ASCC1: variants seen among roughly 807,000 people sequenced by gnomAD.
The protein encoded by ASCC1 is ASC-1 complex subunit P50.
Under a neutral mutation model 46.6 loss-of-function variants are expected in ASCC1, and 35 were observed. The observed-to-expected ratio is 0.75, with a 90% confidence interval of 0.57 to 0.99. The LOEUF (loss-of-function observed/expected upper bound fraction) is 0.99. ASCC1 is among the 50% of genes least tolerant of loss of function. The pLI is 0.00. For synonymous variants in ASCC1, 143 were observed against 146.6 expected, an observed-to-expected ratio of 0.98 and a Z score of 0.18; for missense variants, 376 against 428.7, an observed-to-expected ratio of 0.88 and a Z score of 1.09.
intron 5 of ASCC1, among the ~76,000 whole-genome samples, chr10:72,174,988 T>G (rs371968407): frequency 6.6e-6 from 1 of 152,250 alleles, no homozygotes; most frequent in Non-Finnish European, 1.5e-5. Context: ...AGAGAAAATA[T>G]GCATGCTTCC....
chr10:72,153,647 C>T (rs1025060273), intron 6 of ASCC1, among the ~76,000 whole-genome samples: 2 of 151,742 alleles, frequency 1.3e-5, no homozygotes, highest in African/African-American at 4.8e-5. Flanking sequence ...AGGATGGCCT[C>T]GATCTCCTGA....
At chr10:72,198,549 A>T (rs772572798) in intron 4 of ASCC1, 3 of 455,580 alleles carry the variant, frequency 6.6e-6, no homozygotes, top group African/African-American at 6.0e-5. Context: ...CTGTCTCTAC[A>T]GTGGTTGGAG....
chr10:72,141,128 G>GAT (rs1296504233), intron 7 of ASCC1, among the ~76,000 whole-genome samples: 1 of 151,728 alleles, frequency 6.6e-6, no homozygotes, highest in African/African-American at 2.4e-5. Context: ...GATATATATA[G>GAT]ATATATATCA....
intron 3 of ASCC1, among the ~76,000 whole-genome samples, chr10:72,203,930 C>G (rs1312138974): frequency 6.6e-6 from 1 of 152,118 alleles, no homozygotes; most frequent in East Asian, 1.9e-4. Flanking sequence ...CCAGCCTGGG[C>G]AACAGAGTAA....
chr10:72,102,021 A>C (rs1841824028), intron 9 of ASCC1, among the ~76,000 whole-genome samples: 1 of 152,288 alleles, frequency 6.6e-6, no homozygotes, highest in Non-Finnish European at 1.5e-5. Context: ...GAAGCAGAAA[A>C]GGTAACTACT....
intron 9 of ASCC1, among the ~76,000 whole-genome samples, chr10:72,098,461 G>A (rs539916055): frequency 1.3e-5 from 2 of 152,302 alleles, no homozygotes; most frequent in South Asian, 2.1e-4. Context: ...CTAAACTCAG[G>A]CAATCCTCCC....
chr10:72,204,612 T>C (rs1856943738), intron 3 of ASCC1: 2 of 1,393,312 alleles, frequency 1.4e-6, no homozygotes, highest in South Asian at 1.4e-5. Flanking sequence ...TTAACCTCTA[T>C]GACTTCAATT....
intron 3 of ASCC1, among the ~76,000 whole-genome samples, chr10:72,209,932 G>A (rs1226537597): frequency 6.6e-6 from 1 of 152,130 alleles, no homozygotes; most frequent in African/African-American, 2.4e-5. Context: ...GATCCCTCAT[G>A]ATGGCTTAGC....
Position 72,190,288 on chromosome 10 carries a change from G to A in ASCC1, c.489+6523C>T, listed in dbSNP as rs1854222735. 3.7e-6 allele frequency: 3 copies of A among 821,150 alleles called. No homozygotes were observed. The Admixed American group carries it at 5.1e-5, about 14-fold the overall frequency. 50.9% of individuals were successfully genotyped at this position (821,150 alleles called of 1,614,324 possible). A position where few individuals can be genotyped will look rare whatever the true frequency, so the allele number is the denominator to read the frequency against. ...GTCACTGTGGAGTTCTGAGAGTCCT[G>A]AATTTATATTTAGATCTATGACTTA... On this transcript the variant is annotated intron_variant, in intron 5 of 9. Transcript: ENST00000672957.
chr10:72,107,784 C>CAT (rs1025496373), intron 9 of ASCC1, among the ~76,000 whole-genome samples: 28 of 152,172 alleles, frequency 1.8e-4, no homozygotes, highest in African/African-American at 6.3e-4. Flanking sequence ...GGAATCTTAA[C>CAT]ATATTGTAAG....
intron 9 of ASCC1, among the ~76,000 whole-genome samples, chr10:72,099,694 C>A (rs1841506286): frequency 6.6e-6 from 1 of 152,106 alleles, no homozygotes; most frequent in African/African-American, 2.4e-5. Context: ...GCAGCGCATG[C>A]CTGTAATCGC....
chr10:72,180,719 T>C (rs1218419538), intron 5 of ASCC1: 1 of 151,740 alleles, frequency 6.6e-6, no homozygotes, highest in Non-Finnish European at 1.5e-5. Context: ...ATCAGTGAAC[T>C]TGAAGACACA....
chr10:72,160,379 T>C (rs1250112746), intron 6 of ASCC1, among the ~76,000 whole-genome samples: 1 of 152,184 alleles, frequency 6.6e-6, no homozygotes, highest in Non-Finnish European at 1.5e-5. Context: ...TTCTCTCTTT[T>C]GTCAATCTTA....
intron 9 of ASCC1, among the ~76,000 whole-genome samples, chr10:72,111,984 T>C (rs1253283541): frequency 6.6e-6 from 1 of 152,212 alleles, no homozygotes; most frequent in East Asian, 1.9e-4. Context: ...CATAGCATAG[T>C]GAGCTTCACT....
chr10:72,151,541 A>G (rs1008054140), intron 7 of ASCC1, among the ~76,000 whole-genome samples: 1 of 152,166 alleles, frequency 6.6e-6, no homozygotes, highest in Non-Finnish European at 1.5e-5. Context: ...ACATGTATAC[A>G]TATGTAACAA....
At chr10:72,102,084 G>A (rs939028829) in intron 9 of ASCC1, among the ~76,000 whole-genome samples, 6 of 152,036 alleles carry the variant, frequency 3.9e-5, no homozygotes, top group Admixed American at 2.6e-4. Flanking sequence ...ACAAACCCCC[G>A]TGACACATGT....
chr10:72,192,495 C>T (rs1236833309), intron 5 of ASCC1, among the ~76,000 whole-genome samples: 1 of 151,914 alleles, frequency 6.6e-6, no homozygotes, highest in African/African-American at 2.4e-5. Flanking sequence ...AGAGAACAAC[C>T]CAATTGTTGT....
intron 9 of ASCC1, among the ~76,000 whole-genome samples, chr10:72,119,117 C>A (rs758865812): frequency 3.9e-5 from 6 of 152,184 alleles, no homozygotes; most frequent in Non-Finnish European, 8.8e-5. Context: ...CTGTAATTGA[C>A]GAACTGCTAG....
At chr10:72,174,149 G>A (rs1851579604) in intron 5 of ASCC1, among the ~76,000 whole-genome samples, 1 of 152,182 alleles carries the variant, frequency 6.6e-6, no homozygotes, top group Non-Finnish European at 1.5e-5. Flanking sequence ...AGTTCACCGA[G>A]TTCAAGGTCA....
Sources: allele counts gnomAD v4.1 joint callset (sites outside exome capture counted in the v4.1 genomes callset), GRCh38; gene constraint gnomAD v4.1.1; transcripts MANE v1.5; gene names NCBI Gene and HGNC (gene_info 2026-07-23, HGNC 2026-07-21).